The following GNAQ variants were observed in gnomAD, a reference collection of about 807,000 sequenced individuals.
GNAQ encodes the protein G protein subunit alpha q, also known as guanine nucleotide-binding protein G(q) subunit alpha.
Under a neutral mutation model 43.9 loss-of-function variants are expected in GNAQ, and 8 were observed. The ratio of observed to expected loss-of-function variants is 0.18; its 90% CI spans 0.11 to 0.33. The LOEUF is 0.33. Ranked by LOEUF, GNAQ falls within the 10% of genes least tolerant of loss-of-function variation. The pLI is 1.00. For synonymous variants in GNAQ, 155 were observed against 170.7 expected (o/e 0.91, Z 0.71); for missense variants, 158 against 450.8 (o/e 0.35, Z 5.88).
At chr9:77,895,015 CCT>C (rs1038441095) in intron 2 of GNAQ, among the ~76,000 whole-genome samples, 10 of 151,152 alleles carry the variant, frequency 6.6e-5, no homozygotes, top group Admixed American at 5.9e-4. Context: ...TGGTGAAACC[CCT>C]GTCTCTACTA....
chr9:77,762,687 C>A (rs960677103), intron 5 of GNAQ, among the ~76,000 whole-genome samples: 4 of 151,398 alleles, frequency 2.6e-5, no homozygotes, highest in Admixed American at 6.6e-5. Flanking sequence ...ATTGAGAAAT[C>A]GGATGGTTGC....
chr9:77,964,458 T>TAG (rs1346697605), intron 1 of GNAQ, among the ~76,000 whole-genome samples: 1 of 152,150 alleles, frequency 6.6e-6, no homozygotes, highest in African/African-American at 2.4e-5. Flanking sequence ...CAAACTGACA[T>TAG]AGGCTGCTTT....
intron 2 of GNAQ, among the ~76,000 whole-genome samples, chr9:77,882,869 A>G (rs1164009872): frequency 2.6e-5 from 4 of 152,200 alleles, no homozygotes; most frequent in African/African-American, 9.6e-5. Flanking sequence ...GGAATATGTT[A>G]CTGTTTCTGA....
chr9:77,851,672 T>C (rs1489205167), intron 2 of GNAQ, among the ~76,000 whole-genome samples: 1 of 152,244 alleles, frequency 6.6e-6, no homozygotes, highest in Non-Finnish European at 1.5e-5. Flanking sequence ...TCCCACTAGC[T>C]AACCCGTCTT....
At chr9:77,996,577 C>G (rs1823570073) in intron 1 of GNAQ, among the ~76,000 whole-genome samples, 1 of 150,048 alleles carries the variant, frequency 6.7e-6, no homozygotes, top group Non-Finnish European at 1.5e-5. Flanking sequence ...ACTCAGGAGG[C>G]TGAGGCAGAA....
intron 2 of GNAQ, among the ~76,000 whole-genome samples, chr9:77,834,112 A>G (rs1453694105): frequency 1.3e-5 from 2 of 152,244 alleles, no homozygotes; most frequent in Non-Finnish European, 2.9e-5. Context: ...ATAAGTAATA[A>G]TAATTACACA....
intron 1 of GNAQ, among the ~76,000 whole-genome samples, chr9:77,983,999 CA>C (rs1192583570): frequency 4.7e-5 from 6 of 126,620 alleles, no homozygotes; most frequent in Non-Finnish European, 9.4e-5. Flanking sequence ...TCTCTCTCCT[CA>C]AAAGTCATCC....
chr9:77,778,608 G>C (rs534812312), intron 5 of GNAQ, among the ~76,000 whole-genome samples: 2 of 151,438 alleles, frequency 1.3e-5, no homozygotes, highest in South Asian at 4.2e-4. Context: ...AAATGTGAAC[G>C]GTCTACATAC....
At chr9:77,997,753 G>A (rs1431963801) in intron 1 of GNAQ, among the ~76,000 whole-genome samples, 2 of 152,134 alleles carry the variant, frequency 1.3e-5, no homozygotes, top group Non-Finnish European at 2.9e-5. Flanking sequence ...CAGTGTAATC[G>A]TTCCAAGCCA....
chr9:77,762,675 A>G (rs1202740219), intron 5 of GNAQ, among the ~76,000 whole-genome samples: 3 of 151,880 alleles, frequency 2.0e-5, no homozygotes, highest in Non-Finnish European at 4.4e-5. Flanking sequence ...GGTGGGGAAA[A>G]GATTGAGAAA....
At position 78,000,413 on chromosome 9, in the gene GNAQ, G is replaced by A. The variant is rs182331935; in HGVS notation, c.136+30687C>T. 1.2e-4 allele frequency among the ~76,000 whole-genome samples: 18 copies of A among 152,238 alleles called. No homozygotes were observed. The East Asian group carries it at 1.7e-3, about 15-fold the overall frequency. Reference sequence around the variant, plus strand: ...GTGGCAGATGCTACATCACATTTACGTCTCAGGAAAGACCATGTGGCCCAG... The same window carrying A: ...GTGGCAGATGCTACATCACATTTACATCTCAGGAAAGACCATGTGGCCCAG... On this transcript the variant is annotated intron_variant, in intron 1 of 6. Coordinates refer to ENST00000286548, the MANE Select transcript of GNAQ (RefSeq NM_002072.5).
intron 5 of GNAQ, among the ~76,000 whole-genome samples, chr9:77,754,019 T>G (rs1473655428): frequency 6.6e-6 from 1 of 152,196 alleles, no homozygotes; most frequent in Non-Finnish European, 1.5e-5. Context: ...TAAGCTTTGA[T>G]GATGGGACTG....
chr9:77,892,491 T>C (rs1828422069), intron 2 of GNAQ, among the ~76,000 whole-genome samples: 1 of 152,232 alleles, frequency 6.6e-6, no homozygotes, highest in Non-Finnish European at 1.5e-5. Flanking sequence ...ATGCCCACTT[T>C]CATGGACAGT....
At chr9:77,859,821 A>G (rs188155649) in intron 2 of GNAQ, among the ~76,000 whole-genome samples, 2 of 152,374 alleles carry the variant, frequency 1.3e-5, no homozygotes, top group Admixed American at 1.3e-4. Flanking sequence ...TAGGATGAAG[A>G]GTAATTGCTT....
intron 2 of GNAQ, among the ~76,000 whole-genome samples, chr9:77,854,933 ATAACCAGTCTT>A (rs1344766518): frequency 2.0e-5 from 3 of 152,254 alleles, no homozygotes; most frequent in Non-Finnish European, 2.9e-5. Context: ...CAAAGAACAA[ATAACCAGTCTT>A]TCTGGGAAAT....
intron 2 of GNAQ, among the ~76,000 whole-genome samples, chr9:77,857,505 G>T (rs1827774065): frequency 7.2e-6 from 1 of 139,506 alleles, no homozygotes; most frequent in African/African-American, 2.6e-5. Context: ...AGAGACACAG[G>T]AAAGAAGGAA....
chr9:77,721,641 A>G, intron 6 of GNAQ, 128 bp from the exon 7 acceptor site: 2 of 649,750 alleles, frequency 3.1e-6, no homozygotes, highest in Non-Finnish European at 2.7e-6. Flanking sequence ...TTGATCTGTT[A>G]TAATCATTTT....
At position 78,017,356 on chromosome 9, in the gene GNAQ, G is replaced by A. The variant is rs1350221203; in HGVS notation, c.136+13744C>T. ...ATCACAGCACTGTATGATTCAAAATGCACGGAGGAAACACTAAACAGCCAT... is the reference window on the plus strand; with the variant it reads ...ATCACAGCACTGTATGATTCAAAATACACGGAGGAAACACTAAACAGCCAT... On this transcript the variant is annotated intron_variant, in intron 1 of 6. Transcript: ENST00000286548. Among the ~76,000 whole-genome samples, 6 of 152,286 alleles carry A rather than the reference G, an allele frequency of 3.9e-5. No homozygotes were observed. The East Asian group carries it at 1.2e-3, about 29-fold the overall frequency.
At chr9:77,837,693 T>C (rs1384085278) in intron 2 of GNAQ, among the ~76,000 whole-genome samples, 1 of 151,896 alleles carries the variant, frequency 6.6e-6, no homozygotes, top group Non-Finnish European at 1.5e-5. Context: ...TATATTGGCA[T>C]GAAAAGATGC....
Sources: allele counts gnomAD v4.1 joint callset (sites outside exome capture counted in the v4.1 genomes callset), GRCh38; gene constraint gnomAD v4.1.1; transcripts MANE v1.5; gene names NCBI Gene and HGNC (gene_info 2026-07-23, HGNC 2026-07-21).